COL6A6: variants seen among roughly 807,000 people sequenced by gnomAD.
The protein encoded by COL6A6 is collagen type VI alpha 6 chain, also known as collagen alpha-6(VI) chain.
A neutral mutation model predicts 208.6 loss-of-function variants in COL6A6; 183 were observed. The observed-to-expected ratio is 0.88, with a 90% CI of 0.78 to 0.99. COL6A6 has a LOEUF of 0.99. Ranked by LOEUF, COL6A6 falls within the 50% of genes least tolerant of loss-of-function variation. The probability of loss-of-function intolerance (pLI) is 0.00; values close to 1 mark genes in which losing one functional copy is unlikely to be tolerated. For synonymous variants in COL6A6, 973 were observed against 1,011.8 expected (o/e 0.96, Z 0.73); for missense variants, 2,816 against 2,815.2 (o/e 1.00, Z -0.01).
chr3:130,572,741 ATAAGT>A (rs1283314441), intron 7 of COL6A6, among the ~76,000 whole-genome samples: 9 of 152,238 alleles, frequency 5.9e-5, no homozygotes, highest in African/African-American at 2.2e-4. Flanking sequence ...AAACAATTTA[ATAAGT>A]TAACCAATTC....
chr3:130,598,478 A>C, intron 19 of COL6A6, 48 bp downstream of exon 19: 1 of 1,274,028 alleles, frequency 7.8e-7, no homozygotes, highest in Non-Finnish European at 1.1e-6. Context: ...TGTGGGGCTT[A>C]AGTTCTTGTT....
rs567685415 is a variant in COL6A6, at chr3:130,635,032, C to T, written c.5028+407C>T. Among the ~76,000 whole-genome samples, 10 of 152,174 alleles carry T rather than the reference C, an allele frequency of 6.6e-5. No individual in the cohort carries two copies. In the East Asian group the frequency reaches 1.2e-3, roughly 18 times the overall value. On this transcript the variant is annotated intron_variant, in intron 27 of 36. Transcript: ENST00000358511. ...GGTGGATCACTTGAAGTCAGGGATTCGAGACCAGCCTGGCCAACATGGCAA... is the reference window on the plus strand; with the variant it reads ...GGTGGATCACTTGAAGTCAGGGATTTGAGACCAGCCTGGCCAACATGGCAA...
Position 130,568,366 on chromosome 3 carries a change from C to T in COL6A6, c.2163C>T (p.Asn721=). 6.2e-7 allele frequency: 1 copy of T among 1,613,962 alleles called. No individual in the cohort carries two copies. The change falls in exon 6 of 37, where the codon AAC becomes AAT. Residue 721 remains asparagine, a synonymous_variant. Coordinates refer to ENST00000358511, the MANE Select transcript of COL6A6 (RefSeq NM_001102608.3). Reference sequence around the variant, plus strand: ...GCCCCACCAAGGGCGCCCGGCCCAACATCAGAAAGTTTCTCATCCTCATCA... The same window carrying T: ...GCCCCACCAAGGGCGCCCGGCCCAATATCAGAAAGTTTCTCATCCTCATCA... ...YFSPTKGARP[N]IRKFLILITD...
chr3:130,567,980 T>C, intron 5 of COL6A6, 67 bp from the exon 6 acceptor site: 1 of 1,258,474 alleles, frequency 7.9e-7, no homozygotes, highest in Non-Finnish European at 1.1e-6. Context: ...GTTTTGGATT[T>C]TCCTGTTTAC....
intron 22 of COL6A6, 69 bp downstream of exon 22, chr3:130,609,033 C>A: frequency 8.8e-7 from 1 of 1,136,768 alleles, no homozygotes; most frequent in Non-Finnish European, 1.3e-6. Flanking sequence ...ATCTGAGGAC[C>A]TGATAGAAAC....
intron 1 of COL6A6, among the ~76,000 whole-genome samples, chr3:130,555,817 T>A (rs1342436711): frequency 6.6e-6 from 1 of 152,228 alleles, no homozygotes; most frequent in Non-Finnish European, 1.5e-5. Flanking sequence ...TGCGTTACAT[T>A]TATGTATTTC....
intron 24 of COL6A6, among the ~76,000 whole-genome samples, chr3:130,623,649 G>A (rs543508135): frequency 6.6e-5 from 10 of 152,262 alleles, no homozygotes; most frequent in South Asian, 2.1e-4. Flanking sequence ...TGGGGGCTTC[G>A]TGTATGAGGG....
At chr3:130,543,958 T>A (rs1044965924) in intron 1 of COL6A6, among the ~76,000 whole-genome samples, 2 of 152,182 alleles carry the variant, frequency 1.3e-5, no homozygotes, top group African/African-American at 4.8e-5. Context: ...GATATTTTGA[T>A]ATATATAGTA....
At chr3:130,558,933 T>TTCTA (rs1344960969) in intron 1 of COL6A6, among the ~76,000 whole-genome samples, 16 of 152,114 alleles carry the variant, frequency 1.1e-4, no homozygotes, top group Non-Finnish European at 2.2e-4. Context: ...CAGATGTGGG[T>TTCTA]TCTAGTCTAA....
intron 24 of COL6A6, among the ~76,000 whole-genome samples, chr3:130,625,117 T>A (rs2064845891): frequency 6.6e-6 from 1 of 152,118 alleles, no homozygotes; most frequent in African/African-American, 2.4e-5. Flanking sequence ...ATCCAAGAAT[T>A]TTCTTGACAC....
intron 20 of COL6A6, among the ~76,000 whole-genome samples, chr3:130,605,978 C>A (rs935544220): frequency 1.3e-5 from 2 of 152,194 alleles, no homozygotes; most frequent in Non-Finnish European, 2.9e-5. Context: ...CCCACTGGGT[C>A]CCTCCCACAA....
chr3:130,665,053 C>T lies in COL6A6; in HGVS notation c.6553C>T (p.Leu2185Phe), dbSNP rs951770881. 1.2e-6 allele frequency: 2 copies of T among 1,610,542 alleles called. No homozygotes were observed. The highest frequency in any genetic ancestry group is 2.7e-5 in the African/African-American group (2 of 74,764). ...PINLKIKCNR[L>F]NSIDPKQPPR... is the part of the protein sequence containing the mutation. ...AAACTTAAAAATAAAGTGCAACAGACTTAACTCTATAGATCCAAAGCAGCC... is the reference window on the plus strand; with the variant it reads ...AAACTTAAAAATAAAGTGCAACAGATTTAACTCTATAGATCCAAAGCAGCC... The change falls in exon 36 of 37, where the codon CTT (leucine) becomes TTT (phenylalanine). Residue 2185 changes from leucine to phenylalanine, a missense_variant. Transcript: ENST00000358511.
At chr3:130,643,088 C>A in intron 31 of COL6A6, 65 bp downstream of exon 31, 1 of 1,525,494 alleles carries the variant, frequency 6.6e-7, no homozygotes. Context: ...GCAGAGAAAC[C>A]TACACTCAGA....
At chr3:130,546,213 T>G (rs1478014942) in intron 1 of COL6A6, among the ~76,000 whole-genome samples, 1 of 152,194 alleles carries the variant, frequency 6.6e-6, no homozygotes, top group African/African-American at 2.4e-5. Context: ...CTTCTGACGT[T>G]CGGATGTGTT....
chr3:130,637,637 T>C (rs1365941960), intron 28 of COL6A6, among the ~76,000 whole-genome samples: 1 of 152,224 alleles, frequency 6.6e-6, no homozygotes, highest in Non-Finnish European at 1.5e-5. Context: ...TTGGAAGATT[T>C]TGGTAAAACT....
At chr3:130,600,724 A>C (rs2063988235) in intron 20 of COL6A6, among the ~76,000 whole-genome samples, 1 of 152,188 alleles carries the variant, frequency 6.6e-6, no homozygotes, top group Admixed American at 6.5e-5. Context: ...TTGGTGGGGC[A>C]AGGGGAGGGA....
intron 19 of COL6A6, 137 bp from the exon 20 acceptor site, chr3:130,599,620 C>A: frequency 1.3e-6 from 1 of 781,682 alleles, no homozygotes; most frequent in Non-Finnish European, 2.1e-6. Flanking sequence ...AGAGTTCATG[C>A]CATTTTCCAA....
rs1374096717 is a variant in COL6A6, at chr3:130,563,071, C to G, written c.68C>G (p.Pro23Arg). The part of the protein sequence containing the change: ...SHISVNQDSG[P>R]EYADVVFLVD... ...TCATATGTTTGTGGTTTTGCAGGCC[C>G]TGAGTATGCAGATGTTGTGTTTTTG... Residue 23 changes from proline (P) to arginine (R), a missense_variant, in exon 3 of 37, where the codon CCT (proline) becomes CGT (arginine). Transcript: ENST00000358511. The G allele has an allele frequency of 6.2e-7, 1 of 1,604,362 alleles. No individual in the cohort carries two copies. Among genetic ancestry groups the G allele is most frequent in the South Asian group, 1.1e-5 (1 of 90,084 alleles).
chr3:130,600,074 G>A (rs2108134991), intron 20 of COL6A6, among the ~76,000 whole-genome samples: 1 of 152,284 alleles, frequency 6.6e-6, no homozygotes, highest in East Asian at 1.9e-4. Context: ...TCCAACTAGG[G>A]GAAAAGTGGT....
Sources: gnomAD v4.1 joint callset for allele counts (sites outside exome capture counted in the v4.1 genomes callset) on GRCh38, gnomAD v4.1.1 for gene constraint, MANE v1.5 for transcripts, NCBI Gene and HGNC (gene_info 2026-07-23, HGNC 2026-07-21) for gene names.